Variants in ZRANB3 observed in about 807,000 individuals in gnomAD.
ZRANB3 encodes zinc finger RANBP2-type containing 3.
ZRANB3 carries 125 observed loss-of-function variants against 133.8 expected under a neutral mutation model. That is an observed-to-expected ratio of 0.93 (90% CI 0.81 to 1.08). The LOEUF (loss-of-function observed/expected upper bound fraction) is 1.08, where lower values mean the gene tolerates loss of function less well. Ranked by LOEUF, ZRANB3 falls within the 50% of genes least tolerant of loss-of-function variation. The probability of loss-of-function intolerance (pLI) is 0.00; values close to 1 mark genes in which losing one functional copy is unlikely to be tolerated. For missense variants in ZRANB3, 1,229 were observed against 1,275.5 expected, an observed-to-expected ratio of 0.96 and a Z score of 0.56; for synonymous variants, 387 against 432.7, an observed-to-expected ratio of 0.89 and a Z score of 1.31.
chr2:135,468,636 A>G (rs1193368235), intron 2 of ZRANB3, among the ~76,000 whole-genome samples: 2 of 152,244 alleles, frequency 1.3e-5, no homozygotes, highest in Non-Finnish European at 2.9e-5. Flanking sequence ...CCAGAAAGCA[A>G]AAACAGTATT....
rs1693468268 is a variant in ZRANB3, at chr2:135,197,828, G to A, written c.*2514C>T. ...CCCAGCTCTGTTCCCTGGACCCAGA[G>A]CCTTTTTTCTTTTTTGAGATGGGGC... On this transcript the variant is annotated 3_prime_UTR_variant, in exon 21 of 21. Transcript: ENST00000264159. 1.3e-5 allele frequency: 2 copies of A among 152,374 alleles called. No individual in the cohort carries two copies. The highest frequency in any genetic ancestry group is 1.3e-4 in the Admixed American group (2 of 15,282). 9.4% of individuals were successfully genotyped at this position (152,374 alleles called of 1,614,324 possible).
chr2:135,330,164 C>A (rs563548754), intron 6 of ZRANB3, among the ~76,000 whole-genome samples: 43 of 152,078 alleles, frequency 2.8e-4, no homozygotes, highest in Non-Finnish European at 5.7e-4. Context: ...CAGTTTTTAC[C>A]CATTCAGTAT....
chr2:135,211,893 T>C (rs949850923), intron 17 of ZRANB3, among the ~76,000 whole-genome samples: 2 of 152,200 alleles, frequency 1.3e-5, no homozygotes, highest in Admixed American at 1.3e-4. Flanking sequence ...AGAAGTAGAA[T>C]TCCTTGGTCA....
At chr2:135,402,430 G>A (rs1445937556) in intron 2 of ZRANB3, among the ~76,000 whole-genome samples, 3 of 151,630 alleles carry the variant, frequency 2.0e-5, no homozygotes, top group East Asian at 1.9e-4. Flanking sequence ...GAGTAGCTGG[G>A]ACTACAGGAG....
intron 2 of ZRANB3, among the ~76,000 whole-genome samples, chr2:135,479,042 GC>G (rs1691638796): frequency 6.6e-6 from 1 of 151,444 alleles, no homozygotes; most frequent in South Asian, 2.1e-4. Flanking sequence ...AAGTAGTTGT[GC>G]CAATTTCCCC....
chr2:135,220,960 G>A (rs985121600), intron 15 of ZRANB3, among the ~76,000 whole-genome samples: 13 of 150,932 alleles, frequency 8.6e-5, no homozygotes, highest in Non-Finnish European at 1.3e-4. Flanking sequence ...GGGTTCAAGC[G>A]ATTCTCCTGC....
intron 17 of ZRANB3, 80 bp downstream of exon 17, chr2:135,217,385 C>CAA: frequency 7.4e-7 from 1 of 1,350,320 alleles, no homozygotes; most frequent in South Asian, 1.7e-5. Flanking sequence ...TTAGTGGTTC[C>CAA]AAAAGATGCC....
At chr2:135,432,922 T>C (rs2104983733) in intron 2 of ZRANB3, among the ~76,000 whole-genome samples, 1 of 152,294 alleles carries the variant, frequency 6.6e-6, no homozygotes, top group Non-Finnish European at 1.5e-5. Context: ...GTCATGGCTA[T>C]TTGGCATTAG....
At chr2:135,416,748 T>C (rs1322715334) in intron 2 of ZRANB3, among the ~76,000 whole-genome samples, 3 of 152,106 alleles carry the variant, frequency 2.0e-5, no homozygotes, top group Non-Finnish European at 4.4e-5. Flanking sequence ...ATGGTCCTGG[T>C]ACCAAAACAG....
At chr2:135,505,792 C>G (rs1693152709) in intron 1 of ZRANB3, among the ~76,000 whole-genome samples, 2 of 152,042 alleles carry the variant, frequency 1.3e-5, no homozygotes. Context: ...CAGGGGAAAA[C>G]TAAAAATTAG....
chr2:135,448,951 T>G (rs892343093), intron 2 of ZRANB3, among the ~76,000 whole-genome samples: 1 of 152,216 alleles, frequency 6.6e-6, no homozygotes, highest in African/African-American at 2.4e-5. Flanking sequence ...AGTCTATGTT[T>G]CCTCCTCTGG....
intron 2 of ZRANB3, among the ~76,000 whole-genome samples, chr2:135,399,116 G>A (rs1687628429): frequency 1.3e-5 from 2 of 152,044 alleles, no homozygotes; most frequent in Admixed American, 1.3e-4. Context: ...TTACTTGAAC[G>A]GCCATACATG....
chr2:135,407,371 C>T lies in ZRANB3; in HGVS notation c.162-16551G>A, dbSNP rs568460864. Among the ~76,000 whole-genome samples the T allele has an allele frequency of 2.0e-4, 30 of 152,028 alleles. No individual in the cohort carries two copies. The South Asian group carries it at 6.2e-3, about 32-fold the overall frequency. Reference sequence around the variant, plus strand: ...TTCCATGCTCATGGGTAGGAAGAATCAATATCGTGAAAATGGCCATACTGC... The same window carrying T: ...TTCCATGCTCATGGGTAGGAAGAATTAATATCGTGAAAATGGCCATACTGC... On this transcript the variant is annotated intron_variant, in intron 2 of 20. Transcript: ENST00000264159.
At chr2:135,435,849 G>GA (rs1392800328) in intron 2 of ZRANB3, among the ~76,000 whole-genome samples, 2 of 151,972 alleles carry the variant, frequency 1.3e-5, no homozygotes, top group Non-Finnish European at 2.9e-5. Context: ...TTTCTCTTGT[G>GA]AATTTTTTTA....
intron 12 of ZRANB3, among the ~76,000 whole-genome samples, chr2:135,235,957 G>GA (rs933877512): frequency 1.8e-4 from 28 of 151,838 alleles, no homozygotes; most frequent in South Asian, 1.7e-3. Flanking sequence ...GCAGGAGAAG[G>GA]AAAAAAAGGG....
chr2:135,481,325 T>C (rs2104793322), intron 2 of ZRANB3, among the ~76,000 whole-genome samples: 1 of 151,830 alleles, frequency 6.6e-6, no homozygotes, highest in South Asian at 2.1e-4. Context: ...TGTGAGATGG[T>C]ATCTCATTGT....
intron 17 of ZRANB3, among the ~76,000 whole-genome samples, chr2:135,214,246 C>T (rs556252377): frequency 3.3e-5 from 5 of 152,058 alleles, no homozygotes; most frequent in Admixed American, 1.3e-4. Context: ...GTTATGGCAG[C>T]GATAGAAAAA....
chr2:135,388,527 C>T lies in ZRANB3; in HGVS notation c.180+2275G>A, dbSNP rs534727504. Among the ~76,000 whole-genome samples the T allele has an allele frequency of 1.8e-4, 27 of 152,162 alleles. No homozygotes were observed. In the South Asian group the frequency reaches 5.4e-3, roughly 30 times the overall value. ...AAATCATAAAGGATGCTGTTTGTTA[C>T]CTTTTATAATATATTTTCTGTGGAC... On this transcript the variant is annotated intron_variant, in intron 3 of 20. Coordinates refer to ENST00000264159, the MANE Select transcript of ZRANB3 (RefSeq NM_032143.4).
intron 8 of ZRANB3, among the ~76,000 whole-genome samples, chr2:135,295,401 C>G (rs1330888712): frequency 7.9e-5 from 12 of 152,008 alleles, no homozygotes; most frequent in Admixed American, 6.6e-4. Flanking sequence ...GATTGCAACC[C>G]CTGCCTTTTT....
Sources: gnomAD v4.1 joint callset for allele counts (sites outside exome capture counted in the v4.1 genomes callset) on GRCh38, gnomAD v4.1.1 for gene constraint, MANE v1.5 for transcripts, NCBI Gene and HGNC (gene_info 2026-07-23, HGNC 2026-07-21) for gene names.